Variants in TRIQK observed in about 807,000 individuals in gnomAD.
TRIQK encodes the protein triple QxxK/R motif containing, also known as triple QxxK/R motif-containing protein.
Under a neutral mutation model 10.8 loss-of-function variants are expected in TRIQK, and 10 were observed. The ratio of observed to expected loss-of-function variants is 0.92; its 90% CI spans 0.57 to 1.57. The LOEUF (loss-of-function observed/expected upper bound fraction) is 1.57. TRIQK is among the 40% of genes most tolerant of loss of function. The pLI, the probability that TRIQK is intolerant of heterozygous loss-of-function variation, is 0.00. For synonymous variants in TRIQK, 33 were observed against 33.7 expected, an observed-to-expected ratio of 0.98 and a Z score of 0.07; for missense variants, 107 against 97.7, an observed-to-expected ratio of 1.09 and a Z score of -0.40.
intron 1 of TRIQK, among the ~76,000 whole-genome samples, chr8:93,010,198 C>A (rs1177515472): frequency 1.3e-5 from 2 of 151,908 alleles, no homozygotes; most frequent in African/African-American, 4.8e-5. Context: ...TGTTTTCTTG[C>A]ACAGTAAGGT....
chr8:93,013,525 G>A (rs1484810123), intron 1 of TRIQK, among the ~76,000 whole-genome samples: 1 of 151,996 alleles, frequency 6.6e-6, no homozygotes. Context: ...AATTAAAAGA[G>A]GGCTTTTAGA....
chr8:92,970,007 T>A (rs917458508), upstream of TRIQK, among the ~76,000 whole-genome samples: 2 of 152,142 alleles, frequency 1.3e-5, no homozygotes, highest in African/African-American at 4.8e-5. Context: ...TGTGTTCTCA[T>A]TGTTCAGCTC....
At chr8:92,897,005 T>C (rs981850542) in intron 3 of TRIQK, among the ~76,000 whole-genome samples, 2 of 151,864 alleles carry the variant, frequency 1.3e-5, no homozygotes, top group Non-Finnish European at 2.9e-5. Context: ...TTAGTAGAGA[T>C]GGGGTTTCGC....
intron 3 of TRIQK, among the ~76,000 whole-genome samples, chr8:92,905,925 TC>T (rs1809231394): frequency 6.6e-6 from 1 of 152,180 alleles, no homozygotes; most frequent in Non-Finnish European, 1.5e-5. Context: ...GACTCAGGGA[TC>T]ATCTGGCCTG....
intron 1 of TRIQK, among the ~76,000 whole-genome samples, chr8:93,016,138 C>T (rs944290298): frequency 6.6e-6 from 1 of 152,102 alleles, no homozygotes; most frequent in African/African-American, 2.4e-5. Context: ...TCAGTAAGGA[C>T]TCACATTACT....
Position 92,962,778 on chromosome 8 carries a change from T to C in TRIQK, c.-181+3229A>G, listed in dbSNP as rs190234321. On this transcript the variant is annotated intron_variant, in intron 1 of 4. Transcript: ENST00000521988. ...GCACTGGAGATTTTCCATCTTTTAT[T>C]AGACCTCTGCCCTACACCATGAAAA... Among the ~76,000 whole-genome samples the C allele has an allele frequency of 4.6e-5, 7 of 152,284 alleles. No homozygotes were observed. In the East Asian group the frequency reaches 1.4e-3, roughly 29 times the overall value.
chr8:92,934,679 T>C (rs1053979587), intron 2 of TRIQK, among the ~76,000 whole-genome samples: 30 of 152,078 alleles, frequency 2.0e-4, no homozygotes, highest in Non-Finnish European at 4.1e-4. Context: ...CAGGTGATTA[T>C]AGCATTAGCA....
At chr8:93,011,179 TACACAC>T (rs553408139) in intron 1 of TRIQK, among the ~76,000 whole-genome samples, 15 of 138,824 alleles carry the variant, frequency 1.1e-4, no homozygotes, top group South Asian at 2.4e-4. Context: ...TACACATACA[TACACAC>T]ACACACACAC....
chr8:92,974,016 T>A (rs1365991325), intron 1 of TRIQK: 1 of 152,274 alleles, frequency 6.6e-6, no homozygotes, highest in Non-Finnish European at 1.5e-5. Flanking sequence ...TAGCTCCACA[T>A]CAAGTGCTTG....
chr8:92,985,919 T>C (rs1563672918), intron 1 of TRIQK, among the ~76,000 whole-genome samples: 1 of 152,142 alleles, frequency 6.6e-6, no homozygotes, highest in Non-Finnish European at 1.5e-5. Context: ...CACTGATGTA[T>C]AAAGCCAAAG....
At chr8:92,897,151 A>G (rs1039851778) in intron 3 of TRIQK, among the ~76,000 whole-genome samples, 5 of 152,098 alleles carry the variant, frequency 3.3e-5, no homozygotes, top group African/African-American at 1.2e-4. Flanking sequence ...TAATTTGATT[A>G]ATTTCACAGG....
At chr8:92,933,541 G>A (rs1043475113) in intron 2 of TRIQK, among the ~76,000 whole-genome samples, 1 of 152,034 alleles carries the variant, frequency 6.6e-6, no homozygotes, top group Non-Finnish European at 1.5e-5. Context: ...ACCTACTGCT[G>A]AAGCTGGCCA....
chr8:93,001,088 A>T (rs933491605), intron 1 of TRIQK, among the ~76,000 whole-genome samples: 6 of 152,124 alleles, frequency 3.9e-5, no homozygotes, highest in African/African-American at 1.4e-4. Flanking sequence ...TGGGCAGAGC[A>T]TGAGGTCAGG....
intron 1 of TRIQK, among the ~76,000 whole-genome samples, chr8:93,011,203 C>T (rs779159600): frequency 1.1e-3 from 97 of 92,352 alleles, no homozygotes; most frequent in African/African-American, 2.3e-3. Context: ...CACACACACA[C>T]ACATATATAT....
intron 2 of TRIQK, among the ~76,000 whole-genome samples, chr8:92,948,578 A>T (rs1427350344): frequency 6.6e-6 from 1 of 152,216 alleles, no homozygotes; most frequent in African/African-American, 2.4e-5. Context: ...CTAGTTTAAA[A>T]TATTTAAAAG....
At chr8:92,951,399 A>T (rs1356368125) in intron 2 of TRIQK, among the ~76,000 whole-genome samples, 2 of 152,016 alleles carry the variant, frequency 1.3e-5, no homozygotes, top group Non-Finnish European at 2.9e-5. Flanking sequence ...CACAACTCTG[A>T]CTCTCAAGGT....
chr8:92,916,852 AATTT>A, intron 3 of TRIQK, 73 bp downstream of exon 3: 3 of 1,116,422 alleles, frequency 2.7e-6, no homozygotes, highest in Non-Finnish European at 3.6e-6. Context: ...TATTAGAGAA[AATTT>A]ATTTTCTTAA....
At chr8:93,005,387 C>G (rs1586529531) in intron 1 of TRIQK, among the ~76,000 whole-genome samples, 2 of 152,256 alleles carry the variant, frequency 1.3e-5, no homozygotes, top group Non-Finnish European at 2.9e-5. Context: ...CCCCCATGAT[C>G]TAATCACCTC....
At chr8:92,945,838 G>GA (rs1181161587) in intron 2 of TRIQK, among the ~76,000 whole-genome samples, 3 of 151,438 alleles carry the variant, frequency 2.0e-5, no homozygotes, top group African/African-American at 4.8e-5. Flanking sequence ...AACATGTCCA[G>GA]AAAAAAGCAG....
Sources: gnomAD v4.1 joint callset for allele counts (sites outside exome capture counted in the v4.1 genomes callset) on GRCh38, gnomAD v4.1.1 for gene constraint, MANE v1.5 for transcripts, NCBI Gene and HGNC (gene_info 2026-07-23, HGNC 2026-07-21) for gene names.